The following SLC7A11 variants were observed in gnomAD, a reference collection of about 807,000 sequenced individuals.
The protein encoded by SLC7A11 is cystine/glutamate transporter.
Under a neutral mutation model 54.5 loss-of-function variants are expected in SLC7A11, and 35 were observed. That is an observed-to-expected ratio of 0.64 (90% CI 0.49 to 0.85). The LOEUF is 0.85. SLC7A11 is among the 40% of genes least tolerant of loss of function. The probability of loss-of-function intolerance (pLI) is 0.00; values close to 1 mark genes in which losing one functional copy is unlikely to be tolerated. For missense variants in SLC7A11, 583 were observed against 618.1 expected (o/e 0.94, Z 0.60); for synonymous variants, 230 against 225.2 (o/e 1.02, Z -0.19).
At position 138,229,053 on chromosome 4, in the gene SLC7A11, T is replaced by G. The variant is rs114111700; in HGVS notation, c.520+3214A>C. On this transcript the variant is annotated intron_variant, in intron 3 of 11. Coordinates refer to ENST00000280612, the MANE Select transcript of SLC7A11 (RefSeq NM_014331.4). ...GCTAACATTTCACAAAATTTGAAAT[T>G]CTTTTTTTCTATGATGTAGCAAGAC... 9.7e-3 allele frequency among the ~76,000 whole-genome samples: 1,477 copies of G among 152,292 alleles called. 21 individuals are homozygous for G. Among genetic ancestry groups the G allele is most frequent in the Admixed American group, 0.031 (469 of 15,292 alleles).
At chr4:138,238,848 C>A (rs1412833020) in intron 1 of SLC7A11, among the ~76,000 whole-genome samples, 1 of 152,154 alleles carries the variant, frequency 6.6e-6, no homozygotes, top group Non-Finnish European at 1.5e-5. Flanking sequence ...AGGGGTCTGT[C>A]TGCCTCAGCC....
intron 3 of SLC7A11, among the ~76,000 whole-genome samples, chr4:138,227,624 A>T (rs937280709): frequency 2.0e-5 from 3 of 152,190 alleles, no homozygotes; most frequent in Non-Finnish European, 4.4e-5. Flanking sequence ...CATAGGTAGT[A>T]ACAGTGAAGA....
At chr4:138,205,462 C>T (rs1026601416) in intron 6 of SLC7A11, among the ~76,000 whole-genome samples, 4 of 152,030 alleles carry the variant, frequency 2.6e-5, no homozygotes, top group African/African-American at 4.8e-5. Context: ...AAAATGATTT[C>T]AGTGCATGGT....
chr4:138,168,618 GAACAGGA>G lies in SLC7A11; in HGVS notation c.*3331_*3337del, dbSNP rs1257419774. ...AACAATTTTACCAGACACATAAGAC[GAACAGGA>G]AATCTGTTTCAACGTGAATATCTTA... On this transcript the variant is annotated 3_prime_UTR_variant, in exon 12 of 12. Transcript: ENST00000280612. 6.6e-6 allele frequency: 1 copy of G among 152,130 alleles called. No homozygotes were observed. The highest frequency in any genetic ancestry group is 2.4e-5 in the African/African-American group (1 of 41,420). 9.4% of individuals were successfully genotyped at this position (152,130 alleles called of 1,614,324 possible).
At chr4:138,198,594 A>G (rs1737197369) in intron 6 of SLC7A11, among the ~76,000 whole-genome samples, 1 of 152,188 alleles carries the variant, frequency 6.6e-6, no homozygotes, top group African/African-American at 2.4e-5. Flanking sequence ...TGGGAGAGGA[A>G]ATTAATATAT....
At position 138,166,881 on chromosome 4, in the gene SLC7A11, T is replaced by C. The variant is rs916078072; in HGVS notation, c.*5075A>G. 1.1e-4 allele frequency: 16 copies of C among 152,156 alleles called. No homozygotes were observed. Among genetic ancestry groups the C allele is most frequent in the African/African-American group, 3.9e-4 (16 of 41,420 alleles). The allele number at this position is 152,156 out of a possible 1,614,324, so 9.4% of individuals were successfully genotyped here. ...AGGTAATTATATAAATTCATTGTTA[T>C]GAGGTTGTAGAAAGGACAGTTATCT... On this transcript the variant is annotated 3_prime_UTR_variant, in exon 12 of 12. Coordinates refer to ENST00000280612, the MANE Select transcript of SLC7A11 (RefSeq NM_014331.4).
chr4:138,229,735 A>G (rs2037027), intron 3 of SLC7A11, among the ~76,000 whole-genome samples: 123,360 of 152,164 alleles, frequency 0.81, 50,951 homozygotes, highest in East Asian at 0.95. Context: ...TAAACAAGAA[A>G]AGAGTTATCT....
Position 138,169,640 on chromosome 4 carries a change from A to C in SLC7A11, c.*2316T>G, listed in dbSNP as rs570447846. 3 of 152,192 alleles carry C rather than the reference A, an allele frequency of 2.0e-5. No individual in the cohort carries two copies. In the East Asian group the frequency reaches 5.8e-4, roughly 29 times the overall value. The allele number at this position is 152,192 out of a possible 1,614,324, so 9.4% of individuals were successfully genotyped here. Reference sequence around the variant, plus strand: ...AGCCAAGAACTACACAAACCTCTCTATGAGAATTTACCAGTCTTCTTTCAT... The same window carrying C: ...AGCCAAGAACTACACAAACCTCTCTCTGAGAATTTACCAGTCTTCTTTCAT... On this transcript the variant is annotated 3_prime_UTR_variant, in exon 12 of 12. Coordinates refer to ENST00000280612, the MANE Select transcript of SLC7A11 (RefSeq NM_014331.4).
chr4:138,223,494 CT>C (rs1350333096), intron 3 of SLC7A11, among the ~76,000 whole-genome samples, 170 bp from the exon 4 acceptor site: 1 of 152,146 alleles, frequency 6.6e-6, no homozygotes, highest in African/African-American at 2.4e-5. Context: ...GAATACAAAT[CT>C]ACATTTCAAC....
At position 138,165,571 on chromosome 4, in the gene SLC7A11, C is replaced by A. The variant is rs944571275; in HGVS notation, c.*6385G>T. 5.9e-5 allele frequency: 9 copies of A among 152,100 alleles called. No homozygotes were observed. The highest frequency in any genetic ancestry group is 3.9e-4 in the Admixed American group (6 of 15,260). 9.4% of individuals were successfully genotyped at this position (152,100 alleles called of 1,614,324 possible). A position where few individuals can be genotyped will look rare whatever the true frequency, so the allele number is the denominator to read the frequency against. ...ATGATGCTCATATTTGCAAAGTTCC[C>A]AAATGTTGAGAAGTTCTAGTGAAAA... On this transcript the variant is annotated 3_prime_UTR_variant, in exon 12 of 12. Coordinates refer to ENST00000280612, the MANE Select transcript of SLC7A11 (RefSeq NM_014331.4).
In SLC7A11 at chr4:138,242,258, A is replaced by C; in HGVS notation, c.-189T>G. On this transcript the variant is annotated 5_prime_UTR_variant, in exon 1 of 12. Transcript: ENST00000280612. ...CACAGCGATCTAATTACTACTCAGAAACACCTGTGTATGCATCGTGCTCTC... is the reference window on the plus strand; with the variant it reads ...CACAGCGATCTAATTACTACTCAGACACACCTGTGTATGCATCGTGCTCTC... The C allele has an allele frequency of 1.6e-6, 1 of 639,398 alleles. No homozygotes were observed. Among genetic ancestry groups the C allele is most frequent in the Non-Finnish European group, 2.7e-6 (1 of 372,450 alleles). 39.6% of individuals were successfully genotyped at this position (639,398 alleles called of 1,614,324 possible).
chr4:138,205,753 A>C (rs1737390465), intron 6 of SLC7A11, among the ~76,000 whole-genome samples: 1 of 152,046 alleles, frequency 6.6e-6, no homozygotes, highest in Non-Finnish European at 1.5e-5. Flanking sequence ...ATAAATAAGA[A>C]TATGAATGAG....
At chr4:138,176,960 T>C (rs1406441380) in intron 11 of SLC7A11, 2 of 152,076 alleles carry the variant, frequency 1.3e-5, no homozygotes, top group Non-Finnish European at 2.9e-5. Flanking sequence ...TGAGAAGAAA[T>C]AGAGATTAAA....
chr4:138,221,129 G>A (rs747481674), intron 4 of SLC7A11, among the ~76,000 whole-genome samples: 3 of 152,118 alleles, frequency 2.0e-5, no homozygotes, highest in Non-Finnish European at 1.5e-5. Flanking sequence ...TTAGAGTGCA[G>A]CACCAAATAA....
At chr4:138,207,556 T>C (rs988506229) in intron 6 of SLC7A11, among the ~76,000 whole-genome samples, 3 of 151,946 alleles carry the variant, frequency 2.0e-5, no homozygotes, top group Non-Finnish European at 4.4e-5. Context: ...AATACAAAAA[T>C]TAGCTGGGCA....
In SLC7A11 at chr4:138,170,872, T is replaced by G. The variant is rs1210521284; in HGVS notation, c.*1084A>C. 6.6e-6 allele frequency: 1 copy of G among 152,186 alleles called. No homozygotes were observed. The highest frequency in any genetic ancestry group is 1.5e-5 in the Non-Finnish European group (1 of 68,034). The allele number at this position is 152,186 out of a possible 1,614,324, so 9.4% of individuals were successfully genotyped here. On this transcript the variant is annotated 3_prime_UTR_variant, in exon 12 of 12. Transcript: ENST00000280612. ...CTTTTCCTAATTAATCTGGACAGTT[T>G]CATCTGAAGAGATATTTTAACAGAA...
intron 1 of SLC7A11, among the ~76,000 whole-genome samples, chr4:138,240,625 A>G (rs1738354109): frequency 6.6e-6 from 1 of 152,080 alleles, no homozygotes; most frequent in African/African-American, 2.4e-5. Context: ...AATGATTTAA[A>G]ACATCACAAG....
chr4:138,190,150 C>A (rs887507890), intron 6 of SLC7A11, among the ~76,000 whole-genome samples: 1 of 152,004 alleles, frequency 6.6e-6, no homozygotes, highest in African/African-American at 2.4e-5. Context: ...TCTGTCAAAA[C>A]CTACATTTGT....
intron 6 of SLC7A11, among the ~76,000 whole-genome samples, chr4:138,197,594 G>A (rs1021714261): frequency 6.6e-6 from 1 of 151,970 alleles, no homozygotes; most frequent in Non-Finnish European, 1.5e-5. Context: ...AATTATGAGA[G>A]ATAACACTAC....
Sources: allele counts gnomAD v4.1 joint callset (sites outside exome capture counted in the v4.1 genomes callset), GRCh38; gene constraint gnomAD v4.1.1; transcripts MANE v1.5; gene names NCBI Gene and HGNC (gene_info 2026-07-23, HGNC 2026-07-21).